Variants in FYN observed in about 807,000 individuals in gnomAD.
FYN encodes tyrosine-protein kinase Fyn.
Under a neutral mutation model 70.2 loss-of-function variants are expected in FYN, and 10 were observed. That is an observed-to-expected ratio of 0.14 (90% CI 0.09 to 0.24). FYN has a LOEUF of 0.24. Ranked by LOEUF, FYN falls within the 10% of genes least tolerant of loss-of-function variation. The pLI, the probability that FYN is intolerant of heterozygous loss-of-function variation, is 1.00. For missense variants in FYN, 319 were observed against 673.1 expected (o/e 0.47, Z 5.82); for synonymous variants, 236 against 248.6 (o/e 0.95, Z 0.48).
chr6:111,717,483 T>C (rs1800708051), intron 4 of FYN, among the ~76,000 whole-genome samples: 1 of 151,874 alleles, frequency 6.6e-6, no homozygotes, highest in African/African-American at 2.4e-5. Flanking sequence ...TCTTTTGAGA[T>C]GGAGATTCAC....
intron 12 of FYN, among the ~76,000 whole-genome samples, chr6:111,687,605 G>GTGT (rs1554274338): frequency 1.7e-3 from 245 of 143,430 alleles, no homozygotes; most frequent in Non-Finnish European, 2.9e-3. Context: ...GGGGTGGGTG[G>GTGT]GTGTGTGTGT....
intron 3 of FYN, among the ~76,000 whole-genome samples, chr6:111,720,386 T>C (rs1182173730): frequency 6.6e-6 from 1 of 152,172 alleles, no homozygotes; most frequent in Admixed American, 6.5e-5. Context: ...GGTCCAATCA[T>C]ATTTACCAAT....
At chr6:111,816,801 C>A (rs116613375) in intron 2 of FYN, among the ~76,000 whole-genome samples, 63 of 152,294 alleles carry the variant, frequency 4.1e-4, no homozygotes, top group African/African-American at 1.5e-3. Context: ...GGAACTTATT[C>A]TAAGGAGAAA....
intron 9 of FYN, among the ~76,000 whole-genome samples, chr6:111,699,072 A>G (rs1345248154): frequency 2.6e-5 from 4 of 152,136 alleles, no homozygotes; most frequent in Non-Finnish European, 5.9e-5. Context: ...ATAGAGCAAG[A>G]CTCCGTCTCA....
chr6:111,739,450 T>A (rs1293936188), intron 3 of FYN, among the ~76,000 whole-genome samples: 1 of 152,232 alleles, frequency 6.6e-6, no homozygotes, highest in Non-Finnish European at 1.5e-5. Flanking sequence ...GGGTTCTGGC[T>A]CCTGCCTGGG....
chr6:111,783,130 GTA>G (rs1301975754), intron 2 of FYN, among the ~76,000 whole-genome samples: 1 of 152,202 alleles, frequency 6.6e-6, no homozygotes, highest in Non-Finnish European at 1.5e-5. Flanking sequence ...GGAATCCTGT[GTA>G]TCTTTTGTCA....
intron 3 of FYN, among the ~76,000 whole-genome samples, chr6:111,733,844 T>G (rs1801577012): frequency 6.6e-6 from 1 of 152,088 alleles, no homozygotes; most frequent in Non-Finnish European, 1.5e-5. Flanking sequence ...TCCCAGCACT[T>G]TGGGAGGCTG....
chr6:111,667,730 T>C (rs982862272), intron 13 of FYN, among the ~76,000 whole-genome samples: 1 of 152,252 alleles, frequency 6.6e-6, no homozygotes, highest in African/African-American at 2.4e-5. Flanking sequence ...CTTTCAGCTA[T>C]CTGAAAAAAT....
intron 3 of FYN, among the ~76,000 whole-genome samples, chr6:111,762,568 G>C (rs1298494638): frequency 2.6e-5 from 4 of 152,066 alleles, no homozygotes; most frequent in Non-Finnish European, 5.9e-5. Flanking sequence ...ACTCCAACCT[G>C]ACACTAGCAT....
intron 3 of FYN, among the ~76,000 whole-genome samples, chr6:111,746,404 A>C (rs553090733): frequency 6.6e-6 from 1 of 152,342 alleles, no homozygotes; most frequent in East Asian, 1.9e-4. Context: ...CTAGGGTTTC[A>C]TATAAAGGTA....
intron 12 of FYN, among the ~76,000 whole-genome samples, chr6:111,678,377 T>C (rs570198237): frequency 5.3e-5 from 8 of 152,248 alleles, no homozygotes; most frequent in Middle Eastern, 3.4e-3. Context: ...CAGTTAGCCT[T>C]AGGCTGAATT....
At chr6:111,700,410 G>T (rs1486417942) in intron 8 of FYN, 142 bp from the exon 9 acceptor site, 2 of 744,878 alleles carry the variant, frequency 2.7e-6, no homozygotes, top group Non-Finnish European at 4.3e-6. Flanking sequence ...CACACACATC[G>T]TGGAACACTA....
intron 4 of FYN, among the ~76,000 whole-genome samples, chr6:111,718,908 T>C (rs1452491553): frequency 6.6e-6 from 1 of 152,134 alleles, no homozygotes; most frequent in Non-Finnish European, 1.5e-5. Flanking sequence ...TGATGTGTGA[T>C]GTGTGTTGGG....
intron 3 of FYN, among the ~76,000 whole-genome samples, chr6:111,757,748 G>A (rs2128491863): frequency 6.6e-6 from 1 of 152,308 alleles, no homozygotes; most frequent in South Asian, 2.1e-4. Flanking sequence ...AGTTACTTCT[G>A]TTGAAATTTC....
intron 13 of FYN, among the ~76,000 whole-genome samples, chr6:111,668,428 C>T (rs1798107106): frequency 1.3e-5 from 2 of 150,954 alleles, no homozygotes; most frequent in Admixed American, 6.6e-5. Flanking sequence ...GACAGCTACT[C>T]ATGTAACTGA....
chr6:111,730,175 A>T (rs1234978008), intron 3 of FYN, among the ~76,000 whole-genome samples: 1 of 152,190 alleles, frequency 6.6e-6, no homozygotes, highest in African/African-American at 2.4e-5. Context: ...GAAAGTAAGC[A>T]GTGAGGCGCA....
chr6:111,699,522 C>A (rs1191940671), intron 9 of FYN: 1 of 1,613,116 alleles, frequency 6.2e-7, no homozygotes, highest in Admixed American at 1.7e-5. Flanking sequence ...TACCAAGCCA[C>A]ACTTCAGCGA....
chr6:111,689,063 T>C (rs1799182890), intron 12 of FYN, among the ~76,000 whole-genome samples: 1 of 152,234 alleles, frequency 6.6e-6, no homozygotes, highest in Non-Finnish European at 1.5e-5. Context: ...TACAAAAAGT[T>C]GAGGTGATAA....
intron 12 of FYN, 102 bp from the exon 13 acceptor site, chr6:111,674,732 GT>G: frequency 2.3e-6 from 3 of 1,280,586 alleles, no homozygotes; most frequent in Non-Finnish European, 3.3e-6. Context: ...CTGAGAGCAG[GT>G]TTAGAGGGGA....
Sources: allele counts gnomAD v4.1 joint callset (sites outside exome capture counted in the v4.1 genomes callset), GRCh38; gene constraint gnomAD v4.1.1; transcripts MANE v1.5; gene names NCBI Gene and HGNC (gene_info 2026-07-23, HGNC 2026-07-21).